The following MS4A12 variants were observed in gnomAD, a reference collection of about 807,000 sequenced individuals.
MS4A12 encodes the protein membrane spanning 4-domains A12.
Under a neutral mutation model 23.7 loss-of-function variants are expected in MS4A12, and 28 were observed. The observed-to-expected ratio is 1.18, with a 90% CI of 0.88 to 1.62. The LOEUF is 1.62. Among genes scored for constraint, MS4A12 ranks in the 40% most tolerant of loss-of-function variants. The pLI, the probability that MS4A12 is intolerant of heterozygous loss-of-function variation, is 0.00. For missense variants in MS4A12, 342 were observed against 327.0 expected (o/e 1.05, Z -0.35); for synonymous variants, 108 against 110.1 (o/e 0.98, Z 0.12).
At position 60,506,807 on chromosome 11, in the gene MS4A12, T is replaced by C. The variant is rs761768684; in HGVS notation, c.668T>C (p.Phe223Ser). 3 of 1,614,194 alleles carry C rather than the reference T, an allele frequency of 1.9e-6. No homozygotes were observed. Among genetic ancestry groups the C allele is most frequent in the Admixed American group, 3.3e-5 (2 of 60,032 alleles). The stretch of plus-strand genomic sequence containing the variant: ...TTCGTAGCTTGTGCCACAGCCCATT[T>C]TGCCAACCAAGCAAACACCACAACC... ...EFFVACATAH[F>S]ANQANTTTNM... Residue 223 changes from phenylalanine (F) to serine (S), a missense_variant, in exon 6 of 7, where the codon TTT (phenylalanine) becomes TCT (serine). Phe to Ser is a radical substitution (Grantham distance 155). Coordinates refer to ENST00000016913, the MANE Select transcript of MS4A12 (RefSeq NM_017716.3).
intron 4 of MS4A12, 58 bp from the exon 5 acceptor site, chr11:60,503,643 T>A: frequency 7.8e-7 from 1 of 1,290,094 alleles, no homozygotes; most frequent in African/African-American, 1.5e-5. Flanking sequence ...TTGATTCTTA[T>A]CTCACTTAAC....
intron 2 of MS4A12, among the ~76,000 whole-genome samples, chr11:60,500,471 T>C (rs2086522435): frequency 6.6e-6 from 1 of 152,120 alleles, no homozygotes; most frequent in Non-Finnish European, 1.5e-5. Context: ...TGCAGTAAAT[T>C]CCCAGATCTG....
At chr11:60,499,941 T>C (rs185905285) in intron 2 of MS4A12, among the ~76,000 whole-genome samples, 38 of 152,206 alleles carry the variant, frequency 2.5e-4, no homozygotes, top group Middle Eastern at 6.8e-3. Flanking sequence ...AGAAGAATGA[T>C]TGGTAAGAAA....
chr11:60,496,751 A>G (rs2086490052), intron 1 of MS4A12, among the ~76,000 whole-genome samples: 1 of 152,198 alleles, frequency 6.6e-6, no homozygotes, highest in African/African-American at 2.4e-5. Context: ...GACTAAGTTC[A>G]AGGTGTCAGC....
chr11:60,496,949 A>G (rs1298554572), intron 1 of MS4A12, among the ~76,000 whole-genome samples: 4 of 151,952 alleles, frequency 2.6e-5, no homozygotes, highest in Non-Finnish European at 5.9e-5. Flanking sequence ...ATCAGGAATT[A>G]GAGTCTCATA....
At chr11:60,497,065 G>A (rs2086492515) in intron 1 of MS4A12, among the ~76,000 whole-genome samples, 1 of 152,194 alleles carries the variant, frequency 6.6e-6, no homozygotes, top group Admixed American at 6.5e-5. Context: ...AGCTCAGGCA[G>A]TAATGCTTGC....
chr11:60,496,160 G>T (rs2086486098), intron 1 of MS4A12, among the ~76,000 whole-genome samples: 1 of 152,188 alleles, frequency 6.6e-6, no homozygotes, highest in Admixed American at 6.5e-5. Context: ...GATTCTATGA[G>T]CACAGGGTCT....
chr11:60,497,006 T>C (rs754626755), intron 1 of MS4A12, among the ~76,000 whole-genome samples: 1 of 152,124 alleles, frequency 6.6e-6, no homozygotes, highest in Non-Finnish European at 1.5e-5. Flanking sequence ...CACAGTAGGG[T>C]TCATGCTGCT....
intron 3 of MS4A12, 23 bp downstream of exon 3, chr11:60,501,205 AGTC>A (rs775873068): frequency 3.2e-6 from 5 of 1,581,380 alleles, no homozygotes; most frequent in Non-Finnish European, 4.3e-6. Flanking sequence ...CTAGAACACC[AGTC>A]CTTCTTGGTT....
At chr11:60,498,334 A>T (rs61900764) in intron 2 of MS4A12, among the ~76,000 whole-genome samples, 3 of 152,354 alleles carry the variant, frequency 2.0e-5, no homozygotes, top group Non-Finnish European at 4.4e-5. Flanking sequence ...ATGAATGCTC[A>T]TTATGTGCCA....
chr11:60,494,681 T>A (rs1417255088), intron 1 of MS4A12, among the ~76,000 whole-genome samples: 1 of 152,254 alleles, frequency 6.6e-6, no homozygotes, highest in Non-Finnish European at 1.5e-5. Flanking sequence ...CAGTTTTGCA[T>A]AAATTAGGAT....
chr11:60,493,133 T>C lies in MS4A12; in HGVS notation c.-7+305T>C, dbSNP rs554867954. On this transcript the variant is annotated intron_variant, in intron 1 of 6. Coordinates refer to ENST00000016913, the MANE Select transcript of MS4A12 (RefSeq NM_017716.3). ...GCTCACACCTGTAAACCCAGCTCTT[T>C]GGGAGGCCGAGGCAGGAGAATCACC... 15 of 152,338 alleles carry C rather than the reference T, an allele frequency of 9.8e-5. No homozygotes were observed. The East Asian group carries it at 2.7e-3, about 27-fold the overall frequency. The allele number at this position is 152,338 out of a possible 1,614,324, so 9.4% of individuals were successfully genotyped here.
intron 2 of MS4A12, among the ~76,000 whole-genome samples, chr11:60,498,737 C>T (rs2086508329): frequency 1.3e-5 from 2 of 152,132 alleles, no homozygotes; most frequent in African/African-American, 2.4e-5. Context: ...AGTGAGGAGG[C>T]AGCAATTTCA....
Position 60,501,157 on chromosome 11 carries a change from G to A in MS4A12, c.389G>A (p.Gly130Glu), listed in dbSNP as rs139228899. 16 of 1,611,790 alleles carry A rather than the reference G, an allele frequency of 9.9e-6. No homozygotes were observed. Among genetic ancestry groups the A allele is most frequent in the Non-Finnish European group, 1.4e-5 (16 of 1,179,234 alleles). Residue 130 changes from glycine (G) to glutamate (E), a missense_variant, in exon 3 of 7, where the codon GGA becomes GAA. Transcript: ENST00000016913. Reference protein sequence around the residue: ...LGFASTAVIGGYPFWGGLSFI... With the variant: ...LGFASTAVIGEYPFWGGLSFI... ...TTTGCCTCTACTGCTGTTATTGGTG[G>A]ATACCCATTCTGGGGTGGCCTTTCT...
rs2135237646 is a variant in MS4A12, at chr11:60,507,232, T to C, written c.*108T>C. ...ACAATGATTTCTAGTCTTTAAAAACTGTGTTTGAGATTTGTTTTTAGGTTG... is the reference window on the plus strand; with the variant it reads ...ACAATGATTTCTAGTCTTTAAAAACCGTGTTTGAGATTTGTTTTTAGGTTG... On this transcript the variant is annotated 3_prime_UTR_variant, in exon 7 of 7. Transcript: ENST00000016913. 1 of 925,912 alleles carries C rather than the reference T, an allele frequency of 1.1e-6. No homozygotes were observed. The highest frequency in any genetic ancestry group is 1.7e-6 in the Non-Finnish European group (1 of 601,396). 57.4% of individuals were successfully genotyped at this position (925,912 alleles called of 1,614,324 possible).
intron 6 of MS4A12, 40 bp downstream of exon 6, chr11:60,506,878 C>T (rs2086574621): frequency 4.4e-6 from 7 of 1,576,524 alleles, no homozygotes; most frequent in Middle Eastern, 1.7e-4. Flanking sequence ...TCTGAAAATG[C>T]CCTGGAGAAA....
At chr11:60,493,971 C>CAAAAA (rs1208621504) in intron 1 of MS4A12, among the ~76,000 whole-genome samples, 5 of 152,142 alleles carry the variant, frequency 3.3e-5, no homozygotes, top group African/African-American at 1.2e-4. Context: ...TGCAGTTGTT[C>CAAAAA]TAATTCTTAT....
chr11:60,503,933 T>A lies in MS4A12; in HGVS notation c.588+116T>A, dbSNP rs1590863209. ...CTAGTGGAAAATGTTTTTTCTATTCTAGCCCCACCCCTAGTCATATGATCT... is the reference window on the plus strand; with the variant it reads ...CTAGTGGAAAATGTTTTTTCTATTCAAGCCCCACCCCTAGTCATATGATCT... On this transcript the variant is annotated intron_variant, in intron 5 of 6. Coordinates refer to ENST00000016913, the MANE Select transcript of MS4A12 (RefSeq NM_017716.3). The A allele has an allele frequency of 6.0e-6, 5 of 829,776 alleles. No homozygotes were observed. The East Asian group carries it at 1.3e-4, about 21-fold the overall frequency. 51.4% of individuals were successfully genotyped at this position (829,776 alleles called of 1,614,324 possible).
chr11:60,501,072 C>G lies in MS4A12; in HGVS notation c.304C>G (p.His102Asp). The G allele has an allele frequency of 6.2e-7, 1 of 1,610,888 alleles. No homozygotes were observed. The highest frequency in any genetic ancestry group is 1.7e-5 in the Admixed American group (1 of 59,506). The change falls in exon 3 of 7, where the codon CAC (histidine) becomes GAC (aspartate). Residue 102 changes from histidine to aspartate, a missense_variant. By Grantham distance (81) the His-to-Asp change is moderately conservative. Coordinates refer to ENST00000016913, the MANE Select transcript of MS4A12 (RefSeq NM_017716.3). Reference protein sequence around the residue: ...GVIQIMVGLMHIGFGIVLCLI... With the variant: ...GVIQIMVGLMDIGFGIVLCLI... ...GATCCAGATCATGGTTGGATTGATG[C>G]ACATTGGTTTTGGAATTGTTTTGTG... is the stretch of plus-strand genomic sequence containing the variant.
Sources: allele counts gnomAD v4.1 joint callset (sites outside exome capture counted in the v4.1 genomes callset), GRCh38; gene constraint gnomAD v4.1.1; transcripts MANE v1.5; gene names NCBI Gene and HGNC (gene_info 2026-07-23, HGNC 2026-07-21).